CCDC68: variants seen among roughly 807,000 people sequenced by gnomAD.
CCDC68 encodes coiled-coil domain-containing protein 68.
A neutral mutation model predicts 47.1 loss-of-function variants in CCDC68; 45 were observed. The ratio of observed to expected loss-of-function variants is 0.96; its 90% confidence interval spans 0.75 to 1.23. The LOEUF (loss-of-function observed/expected upper bound fraction) is 1.23, where lower values mean the gene tolerates loss of function less well. Among genes scored for constraint, CCDC68 ranks in the 50% most tolerant of loss-of-function variants. The pLI is 0.00. For missense variants in CCDC68, 353 were observed against 373.6 expected (o/e 0.94, Z 0.45); for synonymous variants, 131 against 129.5 (o/e 1.01, Z -0.08).
intron 8 of CCDC68, among the ~76,000 whole-genome samples, chr18:54,923,819 C>A (rs887912627): frequency 6.6e-6 from 1 of 151,884 alleles, no homozygotes; most frequent in Admixed American, 6.6e-5. Flanking sequence ...ATAAGTGATT[C>A]TCCTGCCTTA....
intron 11 of CCDC68, among the ~76,000 whole-genome samples, 194 bp from the exon 12 acceptor site, chr18:54,904,609 T>A (rs1474697394): frequency 6.6e-6 from 1 of 152,182 alleles, no homozygotes; most frequent in Non-Finnish European, 1.5e-5. Flanking sequence ...TGTGAAAGCA[T>A]TTAATGCATG....
At chr18:54,940,923 A>C in intron 4 of CCDC68, 74 bp downstream of exon 4, 1 of 982,790 alleles carries the variant, frequency 1.0e-6, no homozygotes, top group Non-Finnish European at 1.6e-6. Context: ...TCTTCAAAGA[A>C]GTTAGTAATT....
chr18:54,953,782 A>G (rs189925488), intron 1 of CCDC68, among the ~76,000 whole-genome samples: 158 of 152,322 alleles, frequency 1.0e-3, no homozygotes, highest in African/African-American at 3.7e-3. Flanking sequence ...TAAGAAATAT[A>G]AGAATATTTC....
In CCDC68 at chr18:54,903,431, C is replaced by CTA. The variant is rs1191703337; in HGVS notation, c.*925_*926dup. 1.3e-5 allele frequency: 2 copies of CTA among 152,200 alleles called. No homozygotes were observed. The highest frequency in any genetic ancestry group is 2.9e-5 in the Non-Finnish European group (2 of 68,032). The allele number at this position is 152,200 out of a possible 1,614,324, so 9.4% of individuals were successfully genotyped here. A position where few individuals can be genotyped will look rare whatever the true frequency, so the allele number is the denominator to read the frequency against. On this transcript the variant is annotated 3_prime_UTR_variant, in exon 12 of 12. Transcript: ENST00000591504. ...ATTTAAGCAAACTTTCACAAATACA[C>CTA]TATATATATCTTTCCAATTCATAAA...
rs1260732033 is a variant in CCDC68 at position 54,902,028 on chromosome 18, G to A, written c.*2330C>T. ...CTCGGGAGGCTGAGGCAGGAGAATC[G>A]TTTAGTTTTGGGAAGGGCTATTATA... On this transcript the variant is annotated 3_prime_UTR_variant, in exon 12 of 12. Transcript: ENST00000591504. The A allele has an allele frequency of 4.6e-5, 7 of 152,128 alleles. No homozygotes were observed. The highest frequency in any genetic ancestry group is 4.2e-4 in the South Asian group (2 of 4,818). 9.4% of individuals were successfully genotyped at this position (152,128 alleles called of 1,614,324 possible). A position where few individuals can be genotyped will look rare whatever the true frequency, so the allele number is the denominator to read the frequency against.
intron 11 of CCDC68, among the ~76,000 whole-genome samples, chr18:54,905,757 G>A (rs1249670543): frequency 6.6e-6 from 1 of 152,150 alleles, no homozygotes; most frequent in African/African-American, 2.4e-5. Flanking sequence ...TCTATGGCCT[G>A]TTAGGCATAG....
chr18:54,954,621 T>C (rs1274290542), intron 1 of CCDC68: 1 of 152,212 alleles, frequency 6.6e-6, no homozygotes, highest in Non-Finnish European at 1.5e-5. Context: ...GCTTGGTGAA[T>C]GTCTCTGCCC....
At chr18:54,912,048 G>A (rs963317599) in intron 10 of CCDC68, among the ~76,000 whole-genome samples, 1 of 152,150 alleles carries the variant, frequency 6.6e-6, no homozygotes, top group Non-Finnish European at 1.5e-5. Context: ...TCTAAGGATA[G>A]TTTATTGACA....
chr18:54,958,808 G>A (rs2044754940), intron 1 of CCDC68, among the ~76,000 whole-genome samples: 1 of 152,168 alleles, frequency 6.6e-6, no homozygotes, highest in Non-Finnish European at 1.5e-5. Context: ...TTAAGGAAAA[G>A]GTCAAGCAAT....
chr18:54,936,107 T>A (rs2044337955), intron 6 of CCDC68, among the ~76,000 whole-genome samples: 1 of 146,536 alleles, frequency 6.8e-6, no homozygotes, highest in African/African-American at 2.5e-5. Flanking sequence ...ATAACTATAT[T>A]ATTTATATAG....
chr18:54,945,649 C>G (rs2044512835), intron 1 of CCDC68, among the ~76,000 whole-genome samples, 172 bp from the exon 2 acceptor site: 1 of 152,192 alleles, frequency 6.6e-6, no homozygotes, highest in Non-Finnish European at 1.5e-5. Context: ...ATGAAATTGA[C>G]AGAGGATGCC....
chr18:54,911,554 G>T (rs537719775), intron 10 of CCDC68, among the ~76,000 whole-genome samples: 4 of 152,232 alleles, frequency 2.6e-5, no homozygotes, highest in Admixed American at 2.6e-4. Flanking sequence ...ATGTACTTCA[G>T]ATTTCATCAA....
chr18:54,905,409 AGAAG>A (rs35996831), intron 11 of CCDC68, among the ~76,000 whole-genome samples: 3 of 107,812 alleles, frequency 2.8e-5, no homozygotes, highest in African/African-American at 7.8e-5. Context: ...AAGGAAGGGA[AGAAG>A]GAAGGAAGGA....
At chr18:54,923,509 A>G (rs2145452900) in intron 8 of CCDC68, among the ~76,000 whole-genome samples, 1 of 152,322 alleles carries the variant, frequency 6.6e-6, no homozygotes, top group Non-Finnish European at 1.5e-5. Context: ...ACTCTTGAAA[A>G]CACATGGCCT....
At chr18:54,957,623 A>ACTCTCTCTCT (rs1478919126) in intron 1 of CCDC68, among the ~76,000 whole-genome samples, 6 of 88,146 alleles carry the variant, frequency 6.8e-5, no homozygotes, top group African/African-American at 2.2e-4. Flanking sequence ...ACACACACAC[A>ACTCTCTCTCT]CACACTCTCT....
intron 3 of CCDC68, 65 bp downstream of exon 3, chr18:54,942,610 C>T: frequency 1.0e-6 from 1 of 980,732 alleles, no homozygotes. Flanking sequence ...CAAAATCCTC[C>T]AGCCCATATT....
At chr18:54,931,737 C>T (rs181019312) in intron 7 of CCDC68, among the ~76,000 whole-genome samples, 1 of 152,290 alleles carries the variant, frequency 6.6e-6, no homozygotes, top group East Asian at 1.9e-4. Flanking sequence ...TCTTATTGGG[C>T]ATTTTTGCTA....
chr18:54,904,248 T>A lies in CCDC68; in HGVS notation c.*110A>T. 1.2e-6 allele frequency: 1 copy of A among 818,796 alleles called. No homozygotes were observed. 50.7% of individuals were successfully genotyped at this position (818,796 alleles called of 1,614,324 possible). ...TGCAAAGCCATTGGTATGTAATAAG[T>A]TCCATTTAAATAATGGCATTTTGCC... On this transcript the variant is annotated 3_prime_UTR_variant, in exon 12 of 12. Transcript: ENST00000591504.
chr18:54,912,430 G>GAA (rs5825106), intron 10 of CCDC68, among the ~76,000 whole-genome samples: 1 of 151,980 alleles, frequency 6.6e-6, no homozygotes, highest in Non-Finnish European at 1.5e-5. Flanking sequence ...ATAGGGAGAG[G>GAA]AAAAAAACTG....
Sources: gnomAD v4.1 joint callset for allele counts (sites outside exome capture counted in the v4.1 genomes callset) on GRCh38, gnomAD v4.1.1 for gene constraint, MANE v1.5 for transcripts, NCBI Gene and HGNC (gene_info 2026-07-23, HGNC 2026-07-21) for gene names.